Variants in SKAP2 observed in about 807,000 individuals in gnomAD.
The protein encoded by SKAP2 is src kinase associated phosphoprotein 2, also known as src kinase-associated phosphoprotein 2.
A neutral mutation model predicts 54.9 loss-of-function variants in SKAP2; 28 were observed. That is an observed-to-expected ratio of 0.51 (90% confidence interval 0.38 to 0.70). The LOEUF is 0.70. SKAP2 is among the 30% of genes least tolerant of loss of function. The pLI is 0.00. For synonymous variants in SKAP2, 137 were observed against 134.3 expected (o/e 1.02, Z -0.14); for missense variants, 356 against 424.1 (o/e 0.84, Z 1.41).
chr7:26,785,080 G>A (rs1013295894), intron 4 of SKAP2, among the ~76,000 whole-genome samples: 4 of 152,070 alleles, frequency 2.6e-5, no homozygotes, highest in Admixed American at 1.3e-4. Context: ...TTTTGCTCAT[G>A]AGGTGTGCAA....
chr7:26,773,276 A>T (rs1783228287), intron 4 of SKAP2, among the ~76,000 whole-genome samples: 1 of 152,216 alleles, frequency 6.6e-6, no homozygotes, highest in African/African-American at 2.4e-5. Context: ...CTATCTCTCC[A>T]TTGAGGATAT....
intron 9 of SKAP2, among the ~76,000 whole-genome samples, chr7:26,719,972 A>G (rs1269362357): frequency 6.6e-6 from 1 of 151,966 alleles, no homozygotes; most frequent in Non-Finnish European, 1.5e-5. Flanking sequence ...TGGGCCAGAC[A>G]ATTCTTTGTT....
chr7:26,836,887 C>G (rs1002308008), intron 4 of SKAP2, among the ~76,000 whole-genome samples: 1 of 152,160 alleles, frequency 6.6e-6, no homozygotes, highest in Non-Finnish European at 1.5e-5. Context: ...TACATGAACA[C>G]GTATGTTTAT....
At chr7:26,722,654 C>T (rs1041524821) in intron 9 of SKAP2, among the ~76,000 whole-genome samples, 1 of 152,038 alleles carries the variant, frequency 6.6e-6, no homozygotes, top group Non-Finnish European at 1.5e-5. Flanking sequence ...AGTGATCCAC[C>T]TAACTCGGCC....
chr7:26,724,989 A>T (rs942887088), intron 9 of SKAP2, among the ~76,000 whole-genome samples: 1 of 152,098 alleles, frequency 6.6e-6, no homozygotes, highest in South Asian at 2.1e-4. Context: ...ACTACAAGCA[A>T]GGAGAAATAC....
chr7:26,664,895 C>T (rs541709690), downstream of SKAP2, among the ~76,000 whole-genome samples: 18 of 152,238 alleles, frequency 1.2e-4, no homozygotes, highest in East Asian at 2.5e-3. Flanking sequence ...TCTCTCAACA[C>T]TGAAGACCTA....
chr7:26,676,004 A>G (rs573445741), intron 11 of SKAP2, among the ~76,000 whole-genome samples: 1 of 152,360 alleles, frequency 6.6e-6, no homozygotes, highest in Admixed American at 6.5e-5. Context: ...TTGCAAAGGC[A>G]AAAAATAGTA....
In SKAP2 at chr7:26,859,076, A is replaced by G. The variant is rs1785231510; in HGVS notation, c.68-4186T>C. On this transcript the variant is annotated intron_variant, in intron 1 of 12. Coordinates refer to ENST00000345317, the MANE Select transcript of SKAP2 (RefSeq NM_003930.5). The stretch of plus-strand genomic sequence containing the variant: ...CAAGAATTGGGCTGAATCTACCACC[A>G]TATGCTTAGCCGCAGATCAATAAAA... Among the ~76,000 whole-genome samples, 4 of 152,242 alleles carry G rather than the reference A, an allele frequency of 2.6e-5. No homozygotes were observed. In the South Asian group the frequency reaches 8.3e-4, roughly 32 times the overall value.
chr7:26,724,255 T>C (rs548942427), intron 9 of SKAP2, among the ~76,000 whole-genome samples: 44 of 152,268 alleles, frequency 2.9e-4, no homozygotes, highest in African/African-American at 1.0e-3. Flanking sequence ...ATTCACCAGA[T>C]ACAATAATAA....
chr7:26,776,052 C>T (rs1783301604), intron 4 of SKAP2, among the ~76,000 whole-genome samples: 1 of 152,050 alleles, frequency 6.6e-6, no homozygotes, highest in Non-Finnish European at 1.5e-5. Context: ...ATTCAATGGA[C>T]AATTTTTAGT....
intron 9 of SKAP2, among the ~76,000 whole-genome samples, chr7:26,707,844 G>A (rs1787199245): frequency 6.6e-6 from 1 of 152,160 alleles, no homozygotes. Context: ...TGAGATCCAA[G>A]TTTATACCAT....
chr7:26,701,019 T>C (rs1334211942), intron 9 of SKAP2, among the ~76,000 whole-genome samples: 4 of 152,204 alleles, frequency 2.6e-5, no homozygotes, highest in Admixed American at 2.6e-4. Context: ...CTTTGTGTTC[T>C]CACAGACTTG....
At position 26,700,327 on chromosome 7, in the gene SKAP2, T is replaced by C. The variant is rs545804027; in HGVS notation, c.797-9965A>G. ...TTCCAGTAATTAGTGTTTCATCTTCTAGTTAACATAAAAGACTCTCTTTGA... is the reference window on the plus strand; with the variant it reads ...TTCCAGTAATTAGTGTTTCATCTTCCAGTTAACATAAAAGACTCTCTTTGA... On this transcript the variant is annotated intron_variant, in intron 9 of 12. Transcript: ENST00000345317. Among the ~76,000 whole-genome samples, 90 of 152,322 alleles carry C rather than the reference T, an allele frequency of 5.9e-4. 2 individuals carry two copies. The South Asian group carries it at 0.018, about 31-fold the overall frequency.
chr7:26,748,962 T>C (rs2127965571), intron 4 of SKAP2, among the ~76,000 whole-genome samples: 1 of 152,254 alleles, frequency 6.6e-6, no homozygotes, highest in Non-Finnish European at 1.5e-5. Flanking sequence ...ATGTAGATAA[T>C]AGGAGGGCAT....
chr7:26,856,634 A>G lies in SKAP2; in HGVS notation c.68-1744T>C, dbSNP rs74566149. 6.8e-3 allele frequency among the ~76,000 whole-genome samples: 1,038 copies of G among 152,310 alleles called. 13 individuals are homozygous for G. The highest frequency in any genetic ancestry group is 0.037 in the Middle Eastern group (11 of 294). ...GATATTTCGATATTAGCTGAAATGG[A>G]AAAGATCACTGGCTCCCCTGAGATC... is the stretch of plus-strand genomic sequence containing the variant. On this transcript the variant is annotated intron_variant, in intron 1 of 12. Transcript: ENST00000345317.
intron 6 of SKAP2, among the ~76,000 whole-genome samples, chr7:26,738,073 T>G (rs937338624): frequency 6.6e-5 from 10 of 152,132 alleles, no homozygotes; most frequent in African/African-American, 2.4e-4. Flanking sequence ...ACTACACCTG[T>G]GAACAGTCAC....
In SKAP2 at chr7:26,839,620, T is replaced by C. The variant is rs370464617; in HGVS notation, c.307+4410A>G. Among the ~76,000 whole-genome samples the C allele has an allele frequency of 5.6e-4, 86 of 152,238 alleles. 1 individual carries two copies. In the East Asian group the frequency reaches 0.014, roughly 25 times the overall value. On this transcript the variant is annotated intron_variant, in intron 4 of 12. Transcript: ENST00000345317. ...AAAATTTTTTTTCTAGTTTTAAACA[T>C]TGTTTCATAGTTATCCTAAATGCTA...
chr7:26,836,931 C>G (rs977827369), intron 4 of SKAP2, among the ~76,000 whole-genome samples: 1 of 152,132 alleles, frequency 6.6e-6, no homozygotes, highest in African/African-American at 2.4e-5. Context: ...AGACTTGGAG[C>G]CAACCCAAAT....
intron 9 of SKAP2, among the ~76,000 whole-genome samples, chr7:26,713,312 T>G (rs1562584100): frequency 6.6e-6 from 1 of 152,234 alleles, no homozygotes; most frequent in Non-Finnish European, 1.5e-5. Context: ...TGTCACCTAC[T>G]ACAATCTGTA....
Sources: allele counts gnomAD v4.1 joint callset (sites outside exome capture counted in the v4.1 genomes callset), GRCh38; gene constraint gnomAD v4.1.1; transcripts MANE v1.5; gene names NCBI Gene and HGNC (gene_info 2026-07-23, HGNC 2026-07-21).